The following USP3 variants were observed in gnomAD, a reference collection of about 807,000 sequenced individuals.
The protein encoded by USP3 is ubiquitin specific peptidase 3.
In USP3, 20 loss-of-function variants were observed where a neutral mutation model predicts 72.3. The ratio of observed to expected loss-of-function variants is 0.28; its 90% CI spans 0.19 to 0.40. The LOEUF is 0.40. Ranked by LOEUF, USP3 falls within the 10% of genes least tolerant of loss-of-function variation. USP3 has a pLI of 1.00. For synonymous variants in USP3, 222 were observed against 225.3 expected (o/e 0.99, Z 0.13); for missense variants, 479 against 633.9 (o/e 0.76, Z 2.62).
Position 63,544,776 on chromosome 15 carries a change from G to C in USP3, c.284+7620G>C, listed in dbSNP as rs752110744. On this transcript the variant is annotated intron_variant, in intron 3 of 14. Coordinates refer to ENST00000380324, the MANE Select transcript of USP3 (RefSeq NM_006537.4). The surrounding 1 kb of genome is among the most constrained non-coding windows in gnomAD (Gnocchi z 4.2). ...GGATGAAAGCTTAACTCTAAAACTA[G>C]AGCAGGTAACACTGAAGTGAAAGGG... 1.4e-6 allele frequency: 1 copy of C among 700,570 alleles called. No individual in the cohort carries two copies. The highest frequency in any genetic ancestry group is 1.5e-5 in the South Asian group (1 of 67,332). 43.4% of individuals were successfully genotyped at this position (700,570 alleles called of 1,614,324 possible).
intron 6 of USP3, among the ~76,000 whole-genome samples, chr15:63,558,646 G>A (rs747341630): frequency 5.9e-5 from 9 of 152,046 alleles, no homozygotes; most frequent in Non-Finnish European, 1.2e-4. Context: ...AGGCTGAGGC[G>A]GGCAGATCAC....
intron 1 of USP3, among the ~76,000 whole-genome samples, chr15:63,519,237 C>G (rs1445796680): frequency 6.6e-6 from 1 of 152,148 alleles, no homozygotes; most frequent in East Asian, 1.9e-4. Flanking sequence ...TGGATCTAAT[C>G]CAGGATCATG....
At chr15:63,536,952 T>C in intron 2 of USP3, 73 bp from the exon 3 acceptor site, 1 of 1,448,114 alleles carries the variant, frequency 6.9e-7, no homozygotes, top group South Asian at 1.4e-5. Flanking sequence ...GATTAATATT[T>C]AATTTCATCA....
chr15:63,538,372 T>C (rs1400795522), intron 3 of USP3, among the ~76,000 whole-genome samples: 2 of 152,148 alleles, frequency 1.3e-5, no homozygotes, highest in Non-Finnish European at 2.9e-5. Flanking sequence ...GAATGTTACA[T>C]GAAGGCATTA....
intron 14 of USP3, among the ~76,000 whole-genome samples, chr15:63,590,003 C>T (rs1040937150): frequency 1.3e-5 from 2 of 152,168 alleles, no homozygotes; most frequent in Non-Finnish European, 2.9e-5. Context: ...GTAAAGTTCT[C>T]TTAGGTTTTC....
At chr15:63,561,012 T>A (rs1402883813) in intron 7 of USP3, among the ~76,000 whole-genome samples, 1 of 151,358 alleles carries the variant, frequency 6.6e-6, no homozygotes, top group Non-Finnish European at 1.5e-5. Flanking sequence ...AGGGCGAGAG[T>A]CACAGTGCAG....
intron 1 of USP3, among the ~76,000 whole-genome samples, chr15:63,505,613 G>A (rs751184803): frequency 6.6e-6 from 1 of 152,096 alleles, no homozygotes; most frequent in Non-Finnish European, 1.5e-5. Context: ...TTTATATAAG[G>A]CTTTTGAGTA....
chr15:63,591,324 C>T lies in USP3; in HGVS notation c.*498C>T, dbSNP rs1025356706. Reference sequence around the variant, plus strand: ...AATTTCACAATGACTGCTGAGGAATCATTCTTTTTGCCTGTAAAATATAAC... The same window carrying T: ...AATTTCACAATGACTGCTGAGGAATTATTCTTTTTGCCTGTAAAATATAAC... On this transcript the variant is annotated 3_prime_UTR_variant, in exon 15 of 15. Transcript: ENST00000380324. 6.6e-6 allele frequency: 1 copy of T among 152,596 alleles called. No homozygotes were observed. Among genetic ancestry groups the T allele is most frequent in the African/African-American group, 2.4e-5 (1 of 41,376 alleles). 9.5% of individuals were successfully genotyped at this position (152,596 alleles called of 1,614,324 possible). A position where few individuals can be genotyped will look rare whatever the true frequency, so the allele number is the denominator to read the frequency against.
intron 3 of USP3, among the ~76,000 whole-genome samples, chr15:63,543,998 C>G (rs2066283206): frequency 6.6e-6 from 1 of 150,402 alleles, no homozygotes. Context: ...TCTCTTGAGC[C>G]CAGGAGTTCG....
At chr15:63,533,755 G>A in intron 2 of USP3, 1 of 835,648 alleles carries the variant, frequency 1.2e-6, no homozygotes, top group South Asian at 1.7e-5. Flanking sequence ...TTTGGAAAAT[G>A]TTAACTGCAT....
chr15:63,545,732 G>A (rs1463573016), intron 3 of USP3, among the ~76,000 whole-genome samples: 1 of 152,036 alleles, frequency 6.6e-6, no homozygotes, highest in Non-Finnish European at 1.5e-5. Context: ...CACATTGGGA[G>A]GCTAAGGCGG....
In USP3 at chr15:63,574,204, A is replaced by G. The variant is rs1299336075; in HGVS notation, c.1015+52A>G. On this transcript the variant is annotated intron_variant, in intron 10 of 14. Coordinates refer to ENST00000380324, the MANE Select transcript of USP3 (RefSeq NM_006537.4). The surrounding 1 kb of genome is among the most constrained non-coding windows in gnomAD (Gnocchi z 4.6). ...ATAATATTTTATTAAAATAAATTTAATGTTTCCTTCAAAAAATAAGTGTAA... is the reference window on the plus strand; with the variant it reads ...ATAATATTTTATTAAAATAAATTTAGTGTTTCCTTCAAAAAATAAGTGTAA... 2 of 1,412,314 alleles carry G rather than the reference A, an allele frequency of 1.4e-6. No individual in the cohort carries two copies. The highest frequency in any genetic ancestry group is 2.6e-5 in the East Asian group (1 of 38,538). The allele number at this position is 1,412,314 out of a possible 1,614,324, so 87.5% of individuals were successfully genotyped here. A position where few individuals can be genotyped will look rare whatever the true frequency, so the allele number is the denominator to read the frequency against.
intron 1 of USP3, among the ~76,000 whole-genome samples, chr15:63,521,970 C>T (rs2065926166): frequency 6.6e-6 from 1 of 152,176 alleles, no homozygotes; most frequent in East Asian, 1.9e-4. Context: ...GAGACAAAAT[C>T]TTGCTTTGTT....
intron 3 of USP3, among the ~76,000 whole-genome samples, chr15:63,545,099 G>A (rs1265435712): frequency 1.3e-5 from 2 of 152,112 alleles, no homozygotes; most frequent in Non-Finnish European, 2.9e-5. Context: ...CATATATAAA[G>A]TATAAGTGTA....
In USP3 at chr15:63,529,178, G is replaced by GT. The variant is rs11351032; in HGVS notation, c.92-3456dup. 0.16 allele frequency: 68,447 copies of GT among 433,838 alleles called. 6 individuals carry two copies. Among genetic ancestry groups the GT allele is most frequent in the South Asian group, 0.27 (11,571 of 43,614 alleles). 26.9% of individuals were successfully genotyped at this position (433,838 alleles called of 1,614,324 possible). ...ACCACACTTGGCAGGTAGTAAAGTG[G>GT]TTTTTTTTTTTTTCTTTTTTTTGAG... On this transcript the variant is annotated intron_variant, in intron 1 of 14. Transcript: ENST00000380324. This position sits in a 1 kb window ranked among gnomAD's most constrained non-coding sequence, Gnocchi z 4.2.
intron 3 of USP3, among the ~76,000 whole-genome samples, chr15:63,547,888 G>GGCATAGAGAGAGGCAT (rs1555446526): frequency 1.4e-5 from 1 of 73,236 alleles, no homozygotes; most frequent in African/African-American, 5.7e-5. Context: ...GAGAGAGAGA[G>GGCATAGAGAGAGGCAT]AGAGAGAGGC....
chr15:63,570,613 G>A lies in USP3; in HGVS notation c.908+34G>A. 2 of 1,576,874 alleles carry A rather than the reference G, an allele frequency of 1.3e-6. No homozygotes were observed. Among genetic ancestry groups the A allele is most frequent in the Non-Finnish European group, 1.7e-6 (2 of 1,162,412 alleles). Reference sequence around the variant, plus strand: ...TAGTTGCCTTCTGTTTTTTAGGAGGGCCTCAGACATTTCTTTTGGTGTTAA... The same window carrying A: ...TAGTTGCCTTCTGTTTTTTAGGAGGACCTCAGACATTTCTTTTGGTGTTAA... On this transcript the variant is annotated intron_variant, in intron 9 of 14. Coordinates refer to ENST00000380324, the MANE Select transcript of USP3 (RefSeq NM_006537.4). This position sits in a 1 kb window ranked among gnomAD's most constrained non-coding sequence, Gnocchi z 4.4.
At chr15:63,578,618 AAAAAAAAAAAGAAG>A (rs1410003625) in intron 11 of USP3, among the ~76,000 whole-genome samples, 1 of 151,036 alleles carries the variant, frequency 6.6e-6, no homozygotes, top group East Asian at 1.9e-4. Flanking sequence ...TCTCAGAAAA[AAAAAAAAAAAGAAG>A]AAAAAAAAAA....
At chr15:63,563,830 T>A (rs912979033) in intron 8 of USP3, among the ~76,000 whole-genome samples, 2 of 152,232 alleles carry the variant, frequency 1.3e-5, no homozygotes, top group Non-Finnish European at 2.9e-5. Flanking sequence ...CCTAAAAAGA[T>A]GTAGTTAATA....
Sources: gnomAD v4.1 joint callset for allele counts (sites outside exome capture counted in the v4.1 genomes callset) on GRCh38, gnomAD v4.1.1 for gene constraint, Gnocchi (gnomAD v3.1) non-coding constraint, MANE v1.5 for transcripts, NCBI Gene and HGNC (gene_info 2026-07-23, HGNC 2026-07-21) for gene names.